Variants in OSBPL3 observed in about 807,000 individuals in gnomAD.
The protein encoded by OSBPL3 is oxysterol-binding protein-related protein 3.
In OSBPL3, 65 loss-of-function variants were observed where a neutral mutation model predicts 120.1. The observed-to-expected ratio is 0.54, with a 90% CI of 0.44 to 0.67. OSBPL3 has a LOEUF of 0.67. Among genes scored for constraint, OSBPL3 ranks in the 30% least tolerant of loss-of-function variants. The pLI is 0.00. For synonymous variants in OSBPL3, 416 were observed against 402.6 expected (o/e 1.03, Z -0.40); for missense variants, 1,004 against 1,082.1 (o/e 0.93, Z 1.01).
In OSBPL3 at chr7:24,952,972, C is replaced by CA. The variant is rs1357007032; in HGVS notation, c.-150+26913dup. Among the ~76,000 whole-genome samples, 1 of 151,952 alleles carries CA rather than the reference C, an allele frequency of 6.6e-6. No individual in the cohort carries two copies. Among genetic ancestry groups the CA allele is most frequent in the Non-Finnish European group, 1.5e-5 (1 of 67,984 alleles). On this transcript the variant is annotated intron_variant, in intron 1 of 22. Transcript: ENST00000313367. This position sits in a 1 kb window ranked among gnomAD's most constrained non-coding sequence, Gnocchi z 4.4. ...GCAACACAGCAAGACACTGTCTCTA[C>CA]AAAAAAATCTAAAAATTAGCCAGGC... is the stretch of plus-strand genomic sequence containing the variant.
rs902368386 is a variant in OSBPL3, at chr7:24,900,967, G to C, written c.-149-8346C>G. Among the ~76,000 whole-genome samples, 3 of 150,960 alleles carry C rather than the reference G, an allele frequency of 2.0e-5. No homozygotes were observed. Among genetic ancestry groups the C allele is most frequent in the Admixed American group, 2.0e-4 (3 of 15,114 alleles). On this transcript the variant is annotated intron_variant, in intron 1 of 22. Coordinates refer to ENST00000313367, the MANE Select transcript of OSBPL3 (RefSeq NM_015550.4). The surrounding 1 kb of genome is among the most constrained non-coding windows in gnomAD (Gnocchi z 4.5). ...GTCTGGGAGGCGGAGGTTGCAGTGAGCTGAGGTTTTGCCACTGCACTCCAG... is the reference window on the plus strand; with the variant it reads ...GTCTGGGAGGCGGAGGTTGCAGTGACCTGAGGTTTTGCCACTGCACTCCAG...
At chr7:24,882,500 T>C (rs1215988340) in intron 2 of OSBPL3, among the ~76,000 whole-genome samples, 2 of 152,232 alleles carry the variant, frequency 1.3e-5, no homozygotes, top group African/African-American at 2.4e-5. Flanking sequence ...ATGCAATCAT[T>C]GGTGGAAACA....
intron 1 of OSBPL3, among the ~76,000 whole-genome samples, chr7:24,956,329 G>C (rs950689921): frequency 5.3e-5 from 8 of 152,252 alleles, no homozygotes; most frequent in African/African-American, 1.9e-4. Flanking sequence ...ATGCGCAAAG[G>C]ATGCCAGTGG....
intron 1 of OSBPL3, among the ~76,000 whole-genome samples, chr7:24,904,348 C>G (rs774203328): frequency 1.3e-5 from 2 of 152,128 alleles, no homozygotes; most frequent in African/African-American, 2.4e-5. Context: ...ACAGTCAGCC[C>G]GCAGTATCTG....
intron 1 of OSBPL3, among the ~76,000 whole-genome samples, chr7:24,911,745 G>T (rs1202008212): frequency 6.6e-6 from 1 of 152,024 alleles, no homozygotes; most frequent in Non-Finnish European, 1.5e-5. Context: ...ACATAGGTGG[G>T]GAGAAAAAGG....
Position 24,863,996 on chromosome 7 carries a change from C to A in OSBPL3, c.674-397G>T, listed in dbSNP as rs911308318. Reference sequence around the variant, plus strand: ...AGTAAGAACTAAATAAATCAACCATCATCATCATCATCATCACCAACTTAA... The same window carrying A: ...AGTAAGAACTAAATAAATCAACCATAATCATCATCATCATCACCAACTTAA... On this transcript the variant is annotated intron_variant, in intron 7 of 22. Coordinates refer to ENST00000313367, the MANE Select transcript of OSBPL3 (RefSeq NM_015550.4). This position sits in a 1 kb window ranked among gnomAD's most constrained non-coding sequence, Gnocchi z 5.8. 1.3e-5 allele frequency among the ~76,000 whole-genome samples: 2 copies of A among 151,652 alleles called. No homozygotes were observed. Among genetic ancestry groups the A allele is most frequent in the African/African-American group, 4.9e-5 (2 of 40,994 alleles).
chr7:24,889,877 G>A (rs868325379), intron 2 of OSBPL3, among the ~76,000 whole-genome samples: 1 of 152,322 alleles, frequency 6.6e-6, no homozygotes, highest in Middle Eastern at 3.4e-3. Flanking sequence ...CAGCCTCACA[G>A]CCAGGCGCTG....
intron 1 of OSBPL3, among the ~76,000 whole-genome samples, chr7:24,929,648 C>A (rs1019559614): frequency 6.6e-6 from 1 of 152,060 alleles, no homozygotes; most frequent in Non-Finnish European, 1.5e-5. Flanking sequence ...GAGTTCCATT[C>A]AATGGAAGGC....
At chr7:24,848,579 A>T (rs1798717597) in intron 12 of OSBPL3, among the ~76,000 whole-genome samples, 1 of 151,942 alleles carries the variant, frequency 6.6e-6, no homozygotes, top group South Asian at 2.1e-4. Context: ...GTAATGAAGT[A>T]TTTTTTTTCC....
intron 5 of OSBPL3, among the ~76,000 whole-genome samples, chr7:24,870,007 T>A (rs1253959872): frequency 6.6e-6 from 1 of 152,250 alleles, no homozygotes; most frequent in Non-Finnish European, 1.5e-5. Flanking sequence ...TTCCTGAGTT[T>A]ACACTGGGCC....
chr7:24,980,406 G>C (rs1268886238), upstream of OSBPL3, among the ~76,000 whole-genome samples: 5 of 152,114 alleles, frequency 3.3e-5, no homozygotes, highest in Non-Finnish European at 5.9e-5. Context: ...CCGGATTCCG[G>C]ATGGGTTGGG....
chr7:24,944,617 G>A (rs547847066), intron 1 of OSBPL3, among the ~76,000 whole-genome samples: 4 of 136,602 alleles, frequency 2.9e-5, no homozygotes, highest in Admixed American at 7.3e-5. Context: ...GTGAAAGAGC[G>A]AGACTCCAAA....
rs1422048680 is a variant in OSBPL3, at chr7:24,918,364, C to G, written c.-149-25743G>C. Among the ~76,000 whole-genome samples, 1 of 152,174 alleles carries G rather than the reference C, an allele frequency of 6.6e-6. No homozygotes were observed. The highest frequency in any genetic ancestry group is 1.5e-5 in the Non-Finnish European group (1 of 68,030). ...TCCACTTGCTGTTTAAACTTTACTA[C>G]TCACACTCAATCCTTCCTATTTCAG... is the stretch of plus-strand genomic sequence containing the variant. On this transcript the variant is annotated intron_variant, in intron 1 of 22. Transcript: ENST00000313367. This position sits in a 1 kb window ranked among gnomAD's most constrained non-coding sequence, Gnocchi z 4.3.
At chr7:24,909,783 CTTTTTTTTT>C (rs10591188) in intron 1 of OSBPL3, among the ~76,000 whole-genome samples, 12 of 77,276 alleles carry the variant, frequency 1.6e-4, no homozygotes, top group South Asian at 1.1e-3. Flanking sequence ...TTTTTTCTTT[CTTTTTTTTT>C]TTTTTTTTTT....
rs1806166605 is a variant in OSBPL3, at chr7:24,896,587, G to A, written c.-149-3966C>T. ...ATGTTAGTAGGTTTCACTTAGAAAAGATAACACAATTTGGGAAAAGATGTA... is the reference window on the plus strand; with the variant it reads ...ATGTTAGTAGGTTTCACTTAGAAAAAATAACACAATTTGGGAAAAGATGTA... On this transcript the variant is annotated intron_variant, in intron 1 of 22. Transcript: ENST00000313367. The surrounding 1 kb of genome is among the most constrained non-coding windows in gnomAD (Gnocchi z 4.4). 6.6e-6 allele frequency among the ~76,000 whole-genome samples: 1 copy of A among 152,150 alleles called. No homozygotes were observed. The highest frequency in any genetic ancestry group is 6.5e-5 in the Admixed American group (1 of 15,274).
In OSBPL3 at chr7:24,856,514, C is replaced by T. The variant is rs535964813; in HGVS notation, c.1028-3880G>A. ...AAGTAGTTATGAATGCCATGGGTAC[C>T]GCTCTAGAAAGCAATGTGGTACAGG... On this transcript the variant is annotated intron_variant, in intron 10 of 22. Coordinates refer to ENST00000313367, the MANE Select transcript of OSBPL3 (RefSeq NM_015550.4). 5.9e-5 allele frequency among the ~76,000 whole-genome samples: 9 copies of T among 152,138 alleles called. No individual in the cohort carries two copies. In the East Asian group the frequency reaches 1.2e-3, roughly 20 times the overall value.
chr7:24,874,461 C>T (rs1306810154), intron 2 of OSBPL3, among the ~76,000 whole-genome samples: 2 of 152,106 alleles, frequency 1.3e-5, no homozygotes, highest in East Asian at 1.9e-4. Context: ...GCATCCTTTA[C>T]AAAACTGAAG....
Position 24,941,149 on chromosome 7 carries a change from T to C in OSBPL3, c.-150+38737A>G, listed in dbSNP as rs571130705. ...TGCTTTCTTTTAAGGAGAATTCTAT[T>C]TGCCTTAGCAATAGTTTCAGGTAGA... is the stretch of plus-strand genomic sequence containing the variant. On this transcript the variant is annotated intron_variant, in intron 1 of 22. Coordinates refer to ENST00000313367, the MANE Select transcript of OSBPL3 (RefSeq NM_015550.4). 3.3e-5 allele frequency among the ~76,000 whole-genome samples: 5 copies of C among 152,310 alleles called. No homozygotes were observed. The East Asian group carries it at 9.6e-4, about 29-fold the overall frequency.
In OSBPL3 at chr7:24,819,508, C is replaced by T. The variant is rs1794860243; in HGVS notation, c.1948+667G>A. On this transcript the variant is annotated intron_variant, in intron 17 of 22. Coordinates refer to ENST00000313367, the MANE Select transcript of OSBPL3 (RefSeq NM_015550.4). The surrounding 1 kb of genome is among the most constrained non-coding windows in gnomAD (Gnocchi z 4.1). ...GGCTGGGGAAGGGGGTTACAGTATA[C>T]TGTTTCGTACTTTTAAAGTTTAATA... 6.6e-6 allele frequency among the ~76,000 whole-genome samples: 1 copy of T among 152,100 alleles called. No homozygotes were observed. Among genetic ancestry groups the T allele is most frequent in the Admixed American group, 6.6e-5 (1 of 15,262 alleles).
Sources: gnomAD v4.1 joint callset for allele counts (sites outside exome capture counted in the v4.1 genomes callset) on GRCh38, gnomAD v4.1.1 for gene constraint, Gnocchi (gnomAD v3.1) non-coding constraint, MANE v1.5 for transcripts, NCBI Gene and HGNC (gene_info 2026-07-23, HGNC 2026-07-21) for gene names.